DOCK8: variants seen among roughly 807,000 people sequenced by gnomAD.
DOCK8 encodes dedicator of cytokinesis protein 8.
In DOCK8, 141 loss-of-function variants were observed where a neutral mutation model predicts 245.6. The observed-to-expected ratio is 0.57, with a 90% confidence interval of 0.50 to 0.66. The LOEUF is 0.66. DOCK8 is among the 30% of genes least tolerant of loss of function. The pLI is 0.00. For missense variants in DOCK8, 2,965 were observed against 2,603.4 expected, an observed-to-expected ratio of 1.14 and a Z score of -3.02; for synonymous variants, 1,168 against 970.2, an observed-to-expected ratio of 1.20 and a Z score of -3.79.
intron 47 of DOCK8, 44 bp from the exon 48 acceptor site, chr9:464,115 G>A (rs759013840): frequency 1.3e-6 from 2 of 1,523,438 alleles, no homozygotes; most frequent in Non-Finnish European, 1.8e-6. Context: ...TCTTGCTTCT[G>A]TACGCTCTCT....
At chr9:455,787 T>TA (rs2057620208) in intron 46 of DOCK8, among the ~76,000 whole-genome samples, 1 of 151,300 alleles carries the variant, frequency 6.6e-6, no homozygotes, top group African/African-American at 2.4e-5. Flanking sequence ...AATAAATAAA[T>TA]AATAAAATAA....
rs1586985641 is a variant in DOCK8 at position 422,040 on chromosome 9, A to T, written c.4154-8A>T. ...TCAAATTCCTATCATGCATTTCTTA[A>T]CTCCTAGGGAACGACCGATTTCCAG... On this transcript the variant is annotated splice_region_variant and splice_polypyrimidine_tract_variant and intron_variant, in intron 32 of 47. Coordinates refer to ENST00000432829, the MANE Select transcript of DOCK8 (RefSeq NM_203447.4). The T allele has an allele frequency of 1.2e-6, 2 of 1,612,594 alleles. No homozygotes were observed. The highest frequency in any genetic ancestry group is 2.2e-5 in the South Asian group (2 of 91,042).
At chr9:372,139 T>C (rs753835604) in intron 17 of DOCK8, 46 bp from the exon 18 acceptor site, 2 of 1,498,422 alleles carry the variant, frequency 1.3e-6, no homozygotes, top group East Asian at 4.5e-5. Context: ...ATCAGAATTA[T>C]ATGCTGTAAT....
At chr9:406,488 C>CAAA (rs202229906) in intron 27 of DOCK8, among the ~76,000 whole-genome samples, 9 of 95,114 alleles carry the variant, frequency 9.5e-5, no homozygotes, top group South Asian at 3.0e-4. Context: ...CTCTGTCTTT[C>CAAA]AAAAAAAAAA....
At chr9:308,444 A>G (rs1033440863) in intron 5 of DOCK8, among the ~76,000 whole-genome samples, 4 of 152,232 alleles carry the variant, frequency 2.6e-5, no homozygotes, top group East Asian at 1.9e-4. Context: ...GATGACAGCA[A>G]TGTTTTCAAT....
intron 39 of DOCK8, among the ~76,000 whole-genome samples, chr9:435,982 C>G (rs914743166): frequency 6.6e-6 from 1 of 152,162 alleles, no homozygotes; most frequent in Admixed American, 6.5e-5. Flanking sequence ...ATTTACATGG[C>G]TGATTTTATG....
intron 39 of DOCK8, among the ~76,000 whole-genome samples, chr9:436,356 T>C (rs2056902481): frequency 6.6e-6 from 1 of 152,256 alleles, no homozygotes; most frequent in Non-Finnish European, 1.5e-5. Context: ...AAGAAAGTTA[T>C]AAAAGTTATT....
intron 35 of DOCK8, 30 bp downstream of exon 35, chr9:428,526 T>C: frequency 6.2e-7 from 1 of 1,613,634 alleles, no homozygotes. Context: ...TTTCTTCCTC[T>C]TAATTAAGAG....
rs2056744654 is a variant in DOCK8 at position 432,287 on chromosome 9, A to G, written c.4748A>G (p.Glu1583Gly). The G allele has an allele frequency of 6.2e-7, 1 of 1,614,014 alleles. No individual in the cohort carries two copies. The highest frequency in any genetic ancestry group is 8.5e-7 in the Non-Finnish European group (1 of 1,180,030). ...AGGACAATTTTGGCCTATTCAGAAG[A>G]GGACACAGCCATGCAGATGACTCCT... is the stretch of plus-strand genomic sequence containing the variant. The part of the protein sequence containing the change: ...SLRTILAYSE[E>G]DTAMQMTPFP... Residue 1583 changes from glutamate (E) to glycine (G), a missense_variant, in exon 37 of 48, where the codon GAG becomes GGG. Glu to Gly is a moderately conservative substitution (Grantham distance 98). This residue lies in a region of DOCK8 where 2,825 missense variants were observed against 2,453.5 expected (regional missense o/e 1.15). Coordinates refer to ENST00000432829, the MANE Select transcript of DOCK8 (RefSeq NM_203447.4).
intron 1 of DOCK8, among the ~76,000 whole-genome samples, chr9:262,831 G>A (rs1274014787): frequency 6.6e-6 from 1 of 152,134 alleles, no homozygotes; most frequent in Non-Finnish European, 1.5e-5. Context: ...AGTAAAATGT[G>A]CTTCTTATAA....
intron 14 of DOCK8, among the ~76,000 whole-genome samples, chr9:348,857 T>G (rs2052025263): frequency 6.6e-6 from 1 of 152,208 alleles, no homozygotes; most frequent in Non-Finnish European, 1.5e-5. Flanking sequence ...TTTTTCATCC[T>G]CAGTTCTGAC....
At chr9:409,216 T>C (rs2055591708) in intron 28 of DOCK8, among the ~76,000 whole-genome samples, 1 of 152,214 alleles carries the variant, frequency 6.6e-6, no homozygotes, top group South Asian at 2.1e-4. Context: ...CCTAGGGAGC[T>C]ACAGCTCCAG....
chr9:330,099 C>G (rs1586715884), intron 9 of DOCK8, among the ~76,000 whole-genome samples: 2 of 152,090 alleles, frequency 1.3e-5, no homozygotes, highest in South Asian at 2.1e-4. Context: ...ACATCAGGGT[C>G]TTTACTGTAT....
rs28713472 is a variant in DOCK8, at chr9:250,846, A to G, written c.54-20781A>G. Among the ~76,000 whole-genome samples the G allele has an allele frequency of 5.9e-3, 896 of 152,350 alleles. 5 individuals are homozygous for G. The highest frequency in any genetic ancestry group is 0.02 in the African/African-American group (834 of 41,588). ...GTCCAGCAAAAGGTCTTTAGTGGCT[A>G]TATCAAGAGAAGCTTTTACAGAAGG... On this transcript the variant is annotated intron_variant, in intron 1 of 47. Coordinates refer to ENST00000432829, the MANE Select transcript of DOCK8 (RefSeq NM_203447.4).
chr9:420,140 T>G, intron 30 of DOCK8: 1 of 528,834 alleles, frequency 1.9e-6, no homozygotes, highest in Non-Finnish European at 3.4e-6. Context: ...ACAGAGGTAC[T>G]CAGATACGTG....
At chr9:326,288 CCTT>C (rs1195896420) in intron 8 of DOCK8, among the ~76,000 whole-genome samples, 1 of 152,162 alleles carries the variant, frequency 6.6e-6, no homozygotes, top group African/African-American at 2.4e-5. Flanking sequence ...ACACTTCTGC[CCTT>C]CTTTACCCAT....
At position 403,889 on chromosome 9, in the gene DOCK8, TCTCTATATATATATATATATATATATAC is replaced by T. The variant is rs1391802518; in HGVS notation, c.3235-1028_3235-1001del. ...CTCTCTCTCTCTCTCTCTCTCTCTC[TCTCTATATATATATATATATATATATAC>T]ATATATATATATGTGTATATATATA... On this transcript the variant is annotated intron_variant, in intron 26 of 47. Coordinates refer to ENST00000432829, the MANE Select transcript of DOCK8 (RefSeq NM_203447.4). Among the ~76,000 whole-genome samples, 275 of 86,388 alleles carry T rather than the reference TCTCTATATATATATATATATATATATAC, an allele frequency of 3.2e-3. 3 individuals carry two copies. The highest frequency in any genetic ancestry group is 0.018 in the African/African-American group (262 of 14,468). The allele number at this position is 86,388 out of a possible 152,430, so 56.7% of individuals were successfully genotyped here.
intron 8 of DOCK8, among the ~76,000 whole-genome samples, chr9:327,027 C>G (rs1191027767): frequency 6.6e-6 from 1 of 152,218 alleles, no homozygotes; most frequent in Admixed American, 6.5e-5. Context: ...TGCTCAGAAT[C>G]TTCACTAAGA....
chr9:426,714 C>G (rs1273159547), intron 33 of DOCK8, among the ~76,000 whole-genome samples, 171 bp from the exon 34 acceptor site: 5 of 152,196 alleles, frequency 3.3e-5, no homozygotes, highest in African/African-American at 9.7e-5. Context: ...TTCGACAAGA[C>G]ATGAATCACA....
Sources: gnomAD v4.1 joint callset for allele counts (sites outside exome capture counted in the v4.1 genomes callset) on GRCh38, gnomAD v4.1.1 for gene constraint, gnomAD v4.1.1 regional missense constraint, MANE v1.5 for transcripts, NCBI Gene and HGNC (gene_info 2026-07-23, HGNC 2026-07-21) for gene names.